Variants in TBX5 observed in about 807,000 individuals in gnomAD.
TBX5 encodes T-box transcription factor 5.
In TBX5, 8 loss-of-function variants were observed where a neutral mutation model predicts 51.1. The observed-to-expected ratio is 0.16, with a 90% CI of 0.09 to 0.28. The LOEUF (loss-of-function observed/expected upper bound fraction) is 0.28. Among genes scored for constraint, TBX5 ranks in the 10% least tolerant of loss-of-function variants. The probability of loss-of-function intolerance (pLI) is 1.00; values close to 1 mark genes in which losing one functional copy is unlikely to be tolerated. For synonymous variants in TBX5, 302 were observed against 266.4 expected, an observed-to-expected ratio of 1.13 and a Z score of -1.30; for missense variants, 589 against 671.7, an observed-to-expected ratio of 0.88 and a Z score of 1.36.
chr12:114,356,153 G>T, intron 8 of TBX5, 47 bp from the exon 9 acceptor site: 1 of 1,579,546 alleles, frequency 6.3e-7, no homozygotes. Context: ...CAGGCACCAG[G>T]CAGCTAAAAG....
chr12:114,370,083 T>C (rs1869770784), intron 7 of TBX5, among the ~76,000 whole-genome samples: 1 of 151,814 alleles, frequency 6.6e-6, no homozygotes, highest in South Asian at 2.1e-4. Flanking sequence ...GACGAAACCT[T>C]GTCTCTACTA....
intron 7 of TBX5, among the ~76,000 whole-genome samples, chr12:114,381,220 G>A (rs1242302350): frequency 6.6e-6 from 1 of 152,200 alleles, no homozygotes; most frequent in Non-Finnish European, 1.5e-5. Flanking sequence ...TAAGTGCAAG[G>A]TAATGCTTAA....
At chr12:114,359,634 C>A (rs538965983) in intron 8 of TBX5, among the ~76,000 whole-genome samples, 2 of 152,232 alleles carry the variant, frequency 1.3e-5, no homozygotes, top group South Asian at 2.1e-4. Flanking sequence ...CTGTAGAAAA[C>A]CCTAGTACTT....
intron 7 of TBX5, among the ~76,000 whole-genome samples, chr12:114,381,661 C>T (rs1356111286): frequency 6.6e-6 from 1 of 152,144 alleles, no homozygotes. Context: ...ACTGAGGTTC[C>T]ATGAGGTTAA....
intron 6 of TBX5, among the ~76,000 whole-genome samples, chr12:114,390,729 G>A (rs1871104452): frequency 6.6e-6 from 1 of 152,194 alleles, no homozygotes; most frequent in African/African-American, 2.4e-5. Flanking sequence ...GATAGACATT[G>A]CTTGCATACA....
intron 6 of TBX5, among the ~76,000 whole-genome samples, chr12:114,387,533 C>A (rs1870884055): frequency 6.6e-6 from 1 of 152,106 alleles, no homozygotes; most frequent in African/African-American, 2.4e-5. Flanking sequence ...ATAGGCAGAG[C>A]CCAGAGGATT....
At chr12:114,379,460 T>A (rs969399093) in intron 7 of TBX5, among the ~76,000 whole-genome samples, 3 of 152,198 alleles carry the variant, frequency 2.0e-5, no homozygotes, top group Non-Finnish European at 4.4e-5. Flanking sequence ...CCACTTTGGC[T>A]GGCCTGGATT....
intron 7 of TBX5, among the ~76,000 whole-genome samples, chr12:114,367,479 T>C (rs992904355): frequency 2.6e-5 from 4 of 152,190 alleles, no homozygotes; most frequent in Admixed American, 2.6e-4. Context: ...CTCTTAGGAC[T>C]GGTCCTCCAC....
At position 114,366,458 on chromosome 12, in the gene TBX5, C is replaced by A. The variant is rs970507942; in HGVS notation, c.756-67G>T. The A allele has an allele frequency of 4.7e-5, 71 of 1,511,394 alleles. No homozygotes were observed. The Admixed American group carries it at 1.1e-3, about 23-fold the overall frequency. 93.6% of individuals were successfully genotyped at this position (1,511,394 alleles called of 1,614,324 possible). A position where few individuals can be genotyped will look rare whatever the true frequency, so the allele number is the denominator to read the frequency against. ...GATACAGATTTCCTGAGTGGCTGAACCAGGTGTGAGAGAATCCACCAGAAA... is the reference window on the plus strand; with the variant it reads ...GATACAGATTTCCTGAGTGGCTGAAACAGGTGTGAGAGAATCCACCAGAAA... On this transcript the variant is annotated intron_variant, in intron 7 of 8. Transcript: ENST00000405440.
intron 2 of TBX5, among the ~76,000 whole-genome samples, chr12:114,402,209 C>T (rs1871869314): frequency 6.6e-6 from 1 of 152,054 alleles, no homozygotes; most frequent in African/African-American, 2.4e-5. Flanking sequence ...GAGTGATCAC[C>T]CACCATCAGG....
In TBX5 at chr12:114,355,595, G is replaced by A; in HGVS notation, c.1494C>T (p.Ser498=). 1 of 1,614,176 alleles carries A rather than the reference G, an allele frequency of 6.2e-7. No individual in the cohort carries two copies. Among genetic ancestry groups the A allele is most frequent in the Non-Finnish European group, 8.5e-7 (1 of 1,180,034 alleles). ...LYSHGVPRTL[S]PHQYHSVHGV... is the part of the protein sequence containing the mutation. ...CGTGCACAGAGTGGTACTGATGAGG[G>A]GATAGAGTCCTTGGCACGCCATGAG... The change falls in exon 9 of 9, where the codon TCC becomes TCT. Residue 498 remains serine (S), a synonymous_variant. Transcript: ENST00000405440.
intron 7 of TBX5, among the ~76,000 whole-genome samples, chr12:114,367,252 G>GGAAAGAAAGAAAAGAGAAA (rs56117130): frequency 0.44 from 62,098 of 140,886 alleles, 13,791 homozygotes; most frequent in African/African-American, 0.57. Context: ...AAACAAAAAA[G>GGAAAGAAAGAAAAGAGAAA]GAAAGAAAGA....
intron 1 of TBX5, among the ~76,000 whole-genome samples, chr12:114,404,222 T>G (rs891112069): frequency 6.6e-6 from 1 of 152,020 alleles, no homozygotes; most frequent in African/African-American, 2.4e-5. Flanking sequence ...CTGCGCAGGC[T>G]CTCCGTGATA....
chr12:114,395,759 C>A (rs1593876916), intron 5 of TBX5, among the ~76,000 whole-genome samples: 5 of 152,090 alleles, frequency 3.3e-5, no homozygotes, highest in Admixed American at 3.3e-4. Flanking sequence ...TAGGGGTGTT[C>A]CCAGGGACAA....
intron 7 of TBX5, among the ~76,000 whole-genome samples, chr12:114,382,471 C>A (rs1439479004): frequency 6.6e-6 from 1 of 152,194 alleles, no homozygotes; most frequent in African/African-American, 2.4e-5. Context: ...CTAGGCCAGC[C>A]TAGGCAGCAT....
At chr12:114,367,674 G>A (rs542947062) in intron 7 of TBX5, among the ~76,000 whole-genome samples, 2 of 151,320 alleles carry the variant, frequency 1.3e-5, no homozygotes, top group South Asian at 4.2e-4. Flanking sequence ...GAAGGTGGGG[G>A]TGGGGGTGCT....
At chr12:114,364,477 G>T (rs1869403923) in intron 8 of TBX5, among the ~76,000 whole-genome samples, 1 of 152,168 alleles carries the variant, frequency 6.6e-6, no homozygotes, top group African/African-American at 2.4e-5. Flanking sequence ...TAAAAATGAG[G>T]CTTGGAAAGG....
At chr12:114,391,827 A>C (rs752021925) in intron 6 of TBX5, among the ~76,000 whole-genome samples, 1 of 152,192 alleles carries the variant, frequency 6.6e-6, no homozygotes, top group Non-Finnish European at 1.5e-5. Flanking sequence ...CACGTGGGAA[A>C]TGTTTGCAGG....
In TBX5 at chr12:114,360,148, C is replaced by A. The variant is rs571705134; in HGVS notation, c.983-4042G>T. Among the ~76,000 whole-genome samples the A allele has an allele frequency of 7.3e-4, 111 of 152,316 alleles. 1 individual carries two copies. The highest frequency in any genetic ancestry group is 1.2e-4 in the Non-Finnish European group (8 of 68,038). ...TGGCGAGTCTTCCCAGACAGAGACC[C>A]TGAAACTCAGAGTAGTAATCTTTCT... On this transcript the variant is annotated intron_variant, in intron 8 of 8. Transcript: ENST00000405440.
Sources: allele counts gnomAD v4.1 joint callset (sites outside exome capture counted in the v4.1 genomes callset), GRCh38; gene constraint gnomAD v4.1.1; transcripts MANE v1.5; gene names NCBI Gene and HGNC (gene_info 2026-07-23, HGNC 2026-07-21).